Variants in ZNF546 observed in about 807,000 individuals in gnomAD.
ZNF546 encodes the protein zinc finger protein 546.
In ZNF546, 60 loss-of-function variants were observed where a neutral mutation model predicts 76.2. The observed-to-expected ratio is 0.79, with a 90% CI of 0.64 to 0.98. The LOEUF (loss-of-function observed/expected upper bound fraction) is 0.98. ZNF546 is among the 50% of genes least tolerant of loss of function. The pLI is 0.00. For missense variants in ZNF546, 936 were observed against 1,035.6 expected, an observed-to-expected ratio of 0.90 and a Z score of 1.32; for synonymous variants, 277 against 328.1, an observed-to-expected ratio of 0.84 and a Z score of 1.68.
Position 40,013,889 on chromosome 19 carries a change from C to T in ZNF546, c.619C>T (p.His207Tyr), listed in dbSNP as rs1971706792. 3.7e-6 allele frequency: 6 copies of T among 1,606,976 alleles called. No individual in the cohort carries two copies. The highest frequency in any genetic ancestry group is 5.1e-6 in the Non-Finnish European group (6 of 1,176,398). ...CCAAAAACAAATATCTCATCCTCTACATCCAAAAATTCATGCTAGAGAGAA... is the reference window on the plus strand; with the variant it reads ...CCAAAAACAAATATCTCATCCTCTATATCCAAAAATTCATGCTAGAGAGAA... ...LIQKQISHPL[H>Y]PKIHAREKSY... The change falls in exon 7 of 7, where the codon CAT (histidine) becomes TAT (tyrosine). Residue 207 changes from histidine (H) to tyrosine (Y), a missense_variant. Physicochemically the swap from His to Tyr is moderately conservative, Grantham distance 83. Transcript: ENST00000347077.
chr19:40,019,984 G>T lies in ZNF546; in HGVS notation c.*4203G>T, dbSNP rs1196794631. 1 of 152,058 alleles carries T rather than the reference G, an allele frequency of 6.6e-6. No homozygotes were observed. Among genetic ancestry groups the T allele is most frequent in the Non-Finnish European group, 1.5e-5 (1 of 67,994 alleles). The allele number at this position is 152,058 out of a possible 1,614,324, so 9.4% of individuals were successfully genotyped here. A position where few individuals can be genotyped will look rare whatever the true frequency, so the allele number is the denominator to read the frequency against. On this transcript the variant is annotated 3_prime_UTR_variant, in exon 7 of 7. Coordinates refer to ENST00000347077, the MANE Select transcript of ZNF546 (RefSeq NM_178544.5). The stretch of plus-strand genomic sequence containing the variant: ...AATTTTTCACATATTTGAAATCAAG[G>T]TGTATCTTACAATTTATGGCATCTG...
In ZNF546 at chr19:40,013,891, TC is replaced by T. The variant is rs781220303; in HGVS notation, c.623del (p.Pro208GlnfsTer29). 1 of 1,607,146 alleles carries T rather than the reference TC, an allele frequency of 6.2e-7. No individual in the cohort carries two copies. Among genetic ancestry groups the T allele is most frequent in the Non-Finnish European group, 8.5e-7 (1 of 1,176,362 alleles). On this transcript the variant is annotated frameshift_variant, in exon 7 of 7. Coordinates refer to ENST00000347077, the MANE Select transcript of ZNF546 (RefSeq NM_178544.5). LOFTEE classifies it high-confidence loss of function. Reference protein sequence around the residue: ...IQKQISHPLHPKIHAREKSYE... With the variant: ...IQKQISHPLHXKIHAREKSYE... Reference sequence around the variant, plus strand: ...AAAAACAAATATCTCATCCTCTACATCCAAAAATTCATGCTAGAGAGAAATC... The same window carrying T: ...AAAAACAAATATCTCATCCTCTACATCAAAAATTCATGCTAGAGAGAAATC...
intron 4 of ZNF546, among the ~76,000 whole-genome samples, chr19:40,006,558 T>A (rs934831820): frequency 6.6e-6 from 1 of 152,136 alleles, no homozygotes; most frequent in African/African-American, 2.4e-5. Context: ...GTTGAGGAGG[T>A]TGTGCTGGTC....
chr19:40,007,080 A>C (rs1271724985), intron 4 of ZNF546, among the ~76,000 whole-genome samples, 194 bp from the exon 5 acceptor site: 1 of 152,164 alleles, frequency 6.6e-6, no homozygotes, highest in Admixed American at 6.5e-5. Context: ...ATTTCACTTA[A>C]TTTGCATCAA....
In ZNF546 at chr19:40,015,219, C is replaced by T. The variant is rs768241822; in HGVS notation, c.1949C>T (p.Thr650Ile). The T allele has an allele frequency of 1.2e-6, 2 of 1,612,968 alleles. No homozygotes were observed. The highest frequency in any genetic ancestry group is 1.3e-5 in the African/African-American group (1 of 74,570). ...TGTGGGAAGGCCTTTATTCGTAGCA[C>T]TCATCTCACGCAACATCACAGAATT... ...TECGKAFIRS[T>I]HLTQHHRIHT... Residue 650 changes from threonine (T) to isoleucine (I), a missense_variant, in exon 7 of 7, where the codon ACT becomes ATT. By Grantham distance (89) the Thr-to-Ile change is moderately conservative. Transcript: ENST00000347077.
At chr19:40,003,610 T>C (rs1390251916) in intron 3 of ZNF546, among the ~76,000 whole-genome samples, 1 of 152,176 alleles carries the variant, frequency 6.6e-6, no homozygotes, top group East Asian at 1.9e-4. Context: ...CCAGCATTCA[T>C]ATGTATAAGA....
chr19:40,013,943 G>C lies in ZNF546; in HGVS notation c.673G>C (p.Ala225Pro). The C allele has an allele frequency of 6.2e-7, 1 of 1,611,842 alleles. No individual in the cohort carries two copies. The highest frequency in any genetic ancestry group is 1.1e-5 in the South Asian group (1 of 90,824). Residue 225 changes from alanine (A) to proline (P), a missense_variant, in exon 7 of 7, where the codon GCC becomes CCC. Transcript: ENST00000347077. ...ATATGAATGTAAGGAATGTAGAAAG[G>C]CCTTTAGACAACAGTCATACCTTAT... The part of the protein sequence containing the change: ...KSYECKECRK[A>P]FRQQSYLIQH...
Position 40,020,556 on chromosome 19 carries a change from G to A in ZNF546, c.*4775G>A, listed in dbSNP as rs1003512960. The A allele has an allele frequency of 6.6e-5, 10 of 152,200 alleles. No homozygotes were observed. The highest frequency in any genetic ancestry group is 2.2e-4 in the African/African-American group (9 of 41,536). 9.4% of individuals were successfully genotyped at this position (152,200 alleles called of 1,614,324 possible). A position where few individuals can be genotyped will look rare whatever the true frequency, so the allele number is the denominator to read the frequency against. ...AATGGCAACTTGAGAATTGGTTTGT[G>A]GGCACACAGCCTTGTGAAGTTTTGA... is the stretch of plus-strand genomic sequence containing the variant. On this transcript the variant is annotated 3_prime_UTR_variant, in exon 7 of 7. Coordinates refer to ENST00000347077, the MANE Select transcript of ZNF546 (RefSeq NM_178544.5).
chr19:40,005,580 G>A (rs1309729558), intron 3 of ZNF546, among the ~76,000 whole-genome samples: 6 of 151,888 alleles, frequency 4.0e-5, no homozygotes, highest in African/African-American at 9.7e-5. Context: ...TAATAAGTTC[G>A]GTGGATGATA....
chr19:40,001,223 C>T (rs1276939595), intron 3 of ZNF546, among the ~76,000 whole-genome samples: 2 of 152,162 alleles, frequency 1.3e-5, no homozygotes, highest in African/African-American at 4.8e-5. Context: ...TGCTGTGTGG[C>T]ACAGTTCCTA....
chr19:40,007,251 A>T, intron 4 of ZNF546, 23 bp from the exon 5 acceptor site: 1 of 1,468,500 alleles, frequency 6.8e-7, no homozygotes, highest in Non-Finnish European at 9.1e-7. Context: ...ATTTTTTTTT[A>T]ATACATAGGC....
intron 3 of ZNF546, among the ~76,000 whole-genome samples, chr19:40,001,458 G>C (rs1442381631): frequency 1.3e-5 from 2 of 151,684 alleles, no homozygotes; most frequent in Non-Finnish European, 2.9e-5. Context: ...TGCCTCCCAG[G>C]TTCAAGTAAT....
At chr19:40,011,886 A>C (rs1424464860) in intron 6 of ZNF546, among the ~76,000 whole-genome samples, 1 of 152,062 alleles carries the variant, frequency 6.6e-6, no homozygotes, top group Non-Finnish European at 1.5e-5. Flanking sequence ...TTATAAGTAC[A>C]CCTGTTATTG....
intron 3 of ZNF546, among the ~76,000 whole-genome samples, chr19:40,004,096 TATAA>T (rs1010560950): frequency 3.5e-5 from 5 of 143,272 alleles, no homozygotes; most frequent in Middle Eastern, 3.6e-3. Context: ...TATATTAATA[TATAA>T]ATATATATTA....
Position 40,016,994 on chromosome 19 carries a change from A to G in ZNF546, c.*1213A>G, listed in dbSNP as rs1971779766. ...GTATTTGGCACACAGCATTTTATCA[A>G]TAAATATTGCTTTATTTTTTTCATT... On this transcript the variant is annotated 3_prime_UTR_variant, in exon 7 of 7. Transcript: ENST00000347077. The G allele has an allele frequency of 6.6e-6, 1 of 152,190 alleles. No homozygotes were observed. Among genetic ancestry groups the G allele is most frequent in the Non-Finnish European group, 1.5e-5 (1 of 68,036 alleles). The allele number at this position is 152,190 out of a possible 1,614,324, so 9.4% of individuals were successfully genotyped here. A position where few individuals can be genotyped will look rare whatever the true frequency, so the allele number is the denominator to read the frequency against.
At chr19:40,008,291 G>A (rs1331868974) in intron 5 of ZNF546, among the ~76,000 whole-genome samples, 179 bp from the exon 6 acceptor site, 1 of 152,168 alleles carries the variant, frequency 6.6e-6, no homozygotes, top group Non-Finnish European at 1.5e-5. Flanking sequence ...GTAATTGTGA[G>A]TCCATGTTAA....
intron 6 of ZNF546, among the ~76,000 whole-genome samples, chr19:40,011,005 G>A (rs77753673): frequency 0.035 from 5,261 of 152,104 alleles, 186 homozygotes; most frequent in East Asian, 0.18. Context: ...AATTGCATTG[G>A]TTGTTTGCTA....
Position 40,015,806 on chromosome 19 carries a change from A to G in ZNF546, c.*25A>G. On this transcript the variant is annotated 3_prime_UTR_variant, in exon 7 of 7. Coordinates refer to ENST00000347077, the MANE Select transcript of ZNF546 (RefSeq NM_178544.5). ...AAGAGAATACGATGGCCTTTAGAAAATGCCCTTTAGCAGAGAATTTGTAAT... is the reference window on the plus strand; with the variant it reads ...AAGAGAATACGATGGCCTTTAGAAAGTGCCCTTTAGCAGAGAATTTGTAAT... The G allele has an allele frequency of 6.2e-7, 1 of 1,605,030 alleles. No individual in the cohort carries two copies. Among genetic ancestry groups the G allele is most frequent in the Non-Finnish European group, 8.5e-7 (1 of 1,172,874 alleles).
chr19:40,001,945 G>A (rs573676101), intron 3 of ZNF546, among the ~76,000 whole-genome samples: 4 of 152,130 alleles, frequency 2.6e-5, no homozygotes, highest in Admixed American at 6.5e-5. Flanking sequence ...CTCAATCTTC[G>A]TGACAACCCT....
Sources: gnomAD v4.1 joint callset for allele counts (sites outside exome capture counted in the v4.1 genomes callset) on GRCh38, gnomAD v4.1.1 for gene constraint, MANE v1.5 for transcripts, NCBI Gene and HGNC (gene_info 2026-07-23, HGNC 2026-07-21) for gene names.